Variants in ASIP observed in about 807,000 individuals in gnomAD.
ASIP encodes agouti signaling protein, also known as agouti-signaling protein.
A neutral mutation model predicts 10.3 loss-of-function variants in ASIP; 11 were observed. The ratio of observed to expected loss-of-function variants is 1.07; its 90% CI spans 0.68 to 1.78. The LOEUF (loss-of-function observed/expected upper bound fraction) is 1.78, where lower values mean the gene tolerates loss of function less well. ASIP is among the 40% of genes most tolerant of loss of function. The pLI is 0.00. For missense variants in ASIP, 180 were observed against 169.2 expected (o/e 1.06, Z -0.35); for synonymous variants, 70 against 70.8 (o/e 0.99, Z 0.06).
chr20:34,262,803 G>C (rs1568771529), intron 2 of ASIP, 29 bp from the exon 3 acceptor site: 1 of 1,613,272 alleles, frequency 6.2e-7, no homozygotes, highest in Non-Finnish European at 8.5e-7. Context: ...AGAAACATCT[G>C]ACTTTGCTCC....
chr20:34,187,054 C>T, the ASIP span, among the ~76,000 whole-genome samples: 1 of 152,074 alleles, frequency 6.6e-6, no homozygotes, highest in Non-Finnish European at 1.5e-5. Flanking sequence ...CCTCATGATC[C>T]GAAGCAGTAG....
intron 1 of ASIP, chr20:34,246,133 A>C (rs2035370404): frequency 1.0e-6 from 1 of 957,574 alleles, no homozygotes; most frequent in African/African-American, 1.6e-5. Context: ...GATCAATTTC[A>C]AAAGTTGCAA....
At position 34,266,727 on chromosome 20, in the gene ASIP, A is replaced by C. The variant is rs540520712; in HGVS notation, c.223-2264A>C. On this transcript the variant is annotated intron_variant, in intron 3 of 3. Transcript: ENST00000374954. The stretch of plus-strand genomic sequence containing the variant: ...GCAGATTATAAAGTGTTAGAAAGGC[A>C]CTAAGGACACGTTAGCACCAAACTG... 7.4e-4 allele frequency among the ~76,000 whole-genome samples: 112 copies of C among 152,246 alleles called. 1 individual carries two copies. The highest frequency in any genetic ancestry group is 1.5e-3 in the Non-Finnish European group (104 of 68,048).
At chr20:34,225,839 A>AT (rs1271414534) in intron 1 of ASIP, among the ~76,000 whole-genome samples, 1 of 151,694 alleles carries the variant, frequency 6.6e-6, no homozygotes, top group Non-Finnish European at 1.5e-5. Flanking sequence ...TTGTTGGCAT[A>AT]TACAAAAACC....
chr20:34,235,842 AAGG>A lies in ASIP; in HGVS notation c.-10-24521_-10-24519del, dbSNP rs1568755991. Among the ~76,000 whole-genome samples, 15 of 37,310 alleles carry A rather than the reference AAGG, an allele frequency of 4.0e-4. No homozygotes were observed. The African/African-American group carries it at 5.0e-3, about 12-fold the overall frequency. 24.5% of individuals were successfully genotyped at this position (37,310 alleles called of 152,430 possible). On this transcript the variant is annotated intron_variant, in intron 1 of 3. Coordinates refer to the ASIP transcript ENST00000568305. Reference sequence around the variant, plus strand: ...GAAAGAAAGAAAGAAAGAAAGAAAGAAGGAAGGAAGGAAGGAAGGAAGGAAAGG... The same window carrying A: ...GAAAGAAAGAAAGAAAGAAAGAAAGAAAGGAAGGAAGGAAGGAAGGAAAGG...
At chr20:34,227,703 C>G (rs1194272349) in intron 1 of ASIP, among the ~76,000 whole-genome samples, 1 of 151,978 alleles carries the variant, frequency 6.6e-6, no homozygotes, top group Non-Finnish European at 1.5e-5. Context: ...GTCAGTTCTC[C>G]CCAGGTTTAT....
At chr20:34,213,447 A>T in intron 1 of ASIP, 1 of 1,055,368 alleles carries the variant, frequency 9.5e-7, no homozygotes, top group Non-Finnish European at 1.4e-6. Context: ...GAATTGAGTC[A>T]TAGGTAGAGA....
chr20:34,260,573 G>C, intron 2 of ASIP, 39 bp downstream of exon 2: 3 of 1,554,850 alleles, frequency 1.9e-6, no homozygotes, highest in South Asian at 1.2e-5. Context: ...CCAGGAGAGG[G>C]GCTGCAGGAG....
chr20:34,233,023 C>T (rs1180280819), intron 1 of ASIP, among the ~76,000 whole-genome samples: 2 of 152,144 alleles, frequency 1.3e-5, no homozygotes, highest in Non-Finnish European at 2.9e-5. Flanking sequence ...TGTTCTCCTT[C>T]CACAGCTACA....
intron 1 of ASIP, among the ~76,000 whole-genome samples, chr20:34,248,560 T>G (rs2035418828): frequency 6.6e-6 from 1 of 152,150 alleles, no homozygotes. Flanking sequence ...TCCAGCACTT[T>G]GGGAGGCCGA....
chr20:34,221,494 T>A (rs2035047542), intron 1 of ASIP, among the ~76,000 whole-genome samples: 1 of 152,180 alleles, frequency 6.6e-6, no homozygotes. Flanking sequence ...GACACTGAGA[T>A]GAATCTGATC....
intron 1 of ASIP, among the ~76,000 whole-genome samples, chr20:34,249,785 G>A (rs1301804907): frequency 6.6e-6 from 1 of 152,138 alleles, no homozygotes; most frequent in Non-Finnish European, 1.5e-5. Context: ...AGAACATAAA[G>A]CAACTTGATT....
chr20:34,244,739 G>T (rs538795232), intron 1 of ASIP, among the ~76,000 whole-genome samples: 58 of 152,252 alleles, frequency 3.8e-4, no homozygotes, highest in Non-Finnish European at 7.8e-4. Context: ...CACATTCATG[G>T]TTTTAAGGCT....
At chr20:34,268,039 T>G (rs908494415) in intron 3 of ASIP, among the ~76,000 whole-genome samples, 2 of 152,228 alleles carry the variant, frequency 1.3e-5, no homozygotes, top group Non-Finnish European at 2.9e-5. Context: ...TAAAATGTAG[T>G]TCTAACTAAA....
chr20:34,246,171 T>C, intron 1 of ASIP: 1 of 1,093,260 alleles, frequency 9.1e-7, no homozygotes, highest in Non-Finnish European at 1.4e-6. Flanking sequence ...ACATGTTTCT[T>C]CTTTGCTCTA....
chr20:34,214,518 T>C, intron 1 of ASIP: 1 of 1,503,354 alleles, frequency 6.7e-7, no homozygotes, highest in East Asian at 2.3e-5. Flanking sequence ...ACAGCAATCT[T>C]ATTGCTACTT....
At chr20:34,223,545 TG>T (rs1167100387) in intron 1 of ASIP, among the ~76,000 whole-genome samples, 18 of 117,490 alleles carry the variant, frequency 1.5e-4, no homozygotes, top group African/African-American at 7.7e-4. Flanking sequence ...GGGAGGGAGG[TG>T]GGGGGGTCAG....
chr20:34,232,117 T>C (rs2035125536), intron 1 of ASIP, among the ~76,000 whole-genome samples: 1 of 152,238 alleles, frequency 6.6e-6, no homozygotes, highest in East Asian at 1.9e-4. Context: ...GTAAATGTGT[T>C]ACATGACAAT....
chr20:34,263,274 T>C (rs906827214), intron 3 of ASIP, among the ~76,000 whole-genome samples: 3 of 152,212 alleles, frequency 2.0e-5, no homozygotes, highest in Admixed American at 2.0e-4. Context: ...TGTTTAAAAT[T>C]AAATCTTAGG....
Sources: allele counts gnomAD v4.1 joint callset (sites outside exome capture counted in the v4.1 genomes callset), GRCh38; gene constraint gnomAD v4.1.1; transcripts MANE v1.5; gene names NCBI Gene and HGNC (gene_info 2026-07-23, HGNC 2026-07-21).